Variants in KSR2 observed in about 807,000 individuals in gnomAD.
KSR2 encodes kinase suppressor of ras 2.
In KSR2, 25 loss-of-function variants were observed where a neutral mutation model predicts 107.8. The ratio of observed to expected loss-of-function variants is 0.23; its 90% CI spans 0.17 to 0.32. The LOEUF is 0.32. KSR2 is among the 10% of genes least tolerant of loss of function. The pLI, the probability that KSR2 is intolerant of heterozygous loss-of-function variation, is 1.00. For synonymous variants in KSR2, 480 were observed against 507.0 expected (o/e 0.95, Z 0.71); for missense variants, 887 against 1,268.9 (o/e 0.70, Z 4.57).
chr12:117,777,635 G>A lies in KSR2; in HGVS notation c.473-16111C>T, dbSNP rs146713198. Among the ~76,000 whole-genome samples, 400 of 152,306 alleles carry A rather than the reference G, an allele frequency of 2.6e-3. 1 individual carries two copies. Among genetic ancestry groups the A allele is most frequent in the East Asian group, 0.019 (99 of 5,186 alleles). ...TAATGAGGATCGACTGTTGTTATCC[G>A]TTTATCATCCATCTTTCCCACTGGA... On this transcript the variant is annotated intron_variant, in intron 3 of 19. Coordinates refer to ENST00000339824, the MANE Select transcript of KSR2 (RefSeq NM_173598.6).
intron 5 of KSR2, among the ~76,000 whole-genome samples, chr12:117,594,073 T>G (rs2136275356): frequency 6.6e-6 from 1 of 152,348 alleles, no homozygotes; most frequent in African/African-American, 2.4e-5. Context: ...TTATGGATCT[T>G]AAATCAGAGC....
intron 10 of KSR2, among the ~76,000 whole-genome samples, chr12:117,537,576 G>A (rs1876141007): frequency 6.6e-6 from 1 of 152,222 alleles, no homozygotes. Context: ...GAGGCCCAGA[G>A]AGGCGAGTTA....
At chr12:117,537,684 C>T (rs1176002124) in intron 10 of KSR2, among the ~76,000 whole-genome samples, 1 of 152,332 alleles carries the variant, frequency 6.6e-6, no homozygotes, top group East Asian at 1.9e-4. Context: ...TGCTGAAGTG[C>T]TTTTACCCAA....
chr12:117,536,058 C>T (rs551279417), intron 10 of KSR2, among the ~76,000 whole-genome samples: 9 of 152,278 alleles, frequency 5.9e-5, no homozygotes, highest in East Asian at 3.9e-4. Flanking sequence ...AGGCTGCACA[C>T]GCCATTCTTG....
chr12:117,531,689 T>C lies in KSR2; in HGVS notation c.1706A>G (p.Tyr569Cys). The change falls in exon 11 of 20, where the codon TAC (tyrosine) becomes TGC (cysteine). Residue 569 changes from tyrosine to cysteine, a missense_variant. Physicochemically the swap from Tyr to Cys is radical, Grantham distance 194. Around this residue, in one of 8 missense-constraint regions of KSR2, gnomAD observed 308 missense variants for 506.2 expected, o/e 0.61. Transcript: ENST00000339824. ...FNLPASHYYK[Y>C]KQQFIFPDVV... ...ACCTGGGAAGATGAACTGCTGCTTG[T>C]ATTTGTAGTAGTGGGATGCTTGCAA... 1 of 1,602,268 alleles carries C rather than the reference T, an allele frequency of 6.2e-7. No homozygotes were observed. The highest frequency in any genetic ancestry group is 2.3e-5 in the East Asian group (1 of 43,842).
chr12:117,682,870 G>A (rs528917746), intron 4 of KSR2, among the ~76,000 whole-genome samples: 4 of 152,296 alleles, frequency 2.6e-5, no homozygotes, highest in South Asian at 4.1e-4. Context: ...AGAGGATGGA[G>A]GATTGGAGCA....
chr12:117,882,427 G>C (rs868384748), intron 1 of KSR2, among the ~76,000 whole-genome samples: 9 of 152,204 alleles, frequency 5.9e-5, no homozygotes, highest in Non-Finnish European at 1.3e-4. Flanking sequence ...ATGTTGAACT[G>C]CATGAACCTT....
At chr12:117,742,274 A>G (rs575747035) in intron 4 of KSR2, among the ~76,000 whole-genome samples, 24 of 152,366 alleles carry the variant, frequency 1.6e-4, no homozygotes, top group African/African-American at 5.5e-4. Context: ...TTCTTTCACT[A>G]TCAAGGGTGT....
chr12:117,501,284 C>A (rs971007770), intron 14 of KSR2, among the ~76,000 whole-genome samples: 16 of 152,310 alleles, frequency 1.1e-4, no homozygotes, highest in Admixed American at 4.6e-4. Context: ...TGTAACAAAG[C>A]CCATATGGCA....
intron 4 of KSR2, among the ~76,000 whole-genome samples, chr12:117,735,147 A>G (rs1887892599): frequency 6.6e-6 from 1 of 152,222 alleles, no homozygotes; most frequent in Admixed American, 6.5e-5. Context: ...CCCAGGGGCC[A>G]AAGCACAGTG....
At chr12:117,794,724 T>C (rs1489582626) in intron 3 of KSR2, among the ~76,000 whole-genome samples, 4 of 151,328 alleles carry the variant, frequency 2.6e-5, no homozygotes, top group African/African-American at 9.7e-5. Flanking sequence ...TACACACCAA[T>C]ATGCACACAC....
At chr12:117,594,395 C>T (rs11068561) in intron 5 of KSR2, among the ~76,000 whole-genome samples, 5,052 of 152,216 alleles carry the variant, frequency 0.033, 216 homozygotes, top group South Asian at 0.14. Flanking sequence ...AAGTGCCATC[C>T]GAAGAGATGT....
At chr12:117,711,841 C>T (rs1886794880) in intron 4 of KSR2, among the ~76,000 whole-genome samples, 1 of 152,150 alleles carries the variant, frequency 6.6e-6, no homozygotes, top group South Asian at 2.1e-4. Flanking sequence ...GAAAGAAGCC[C>T]CAGGGACCCC....
intron 7 of KSR2, among the ~76,000 whole-genome samples, chr12:117,566,161 C>G (rs902742010): frequency 6.6e-6 from 1 of 152,068 alleles, no homozygotes; most frequent in African/African-American, 2.4e-5. Context: ...TGTCTATTGT[C>G]CCCAGGCTGA....
At chr12:117,684,265 A>C (rs533810793) in intron 4 of KSR2, among the ~76,000 whole-genome samples, 2 of 152,220 alleles carry the variant, frequency 1.3e-5, no homozygotes, top group South Asian at 4.2e-4. Context: ...TGATGACTTG[A>C]TGAGTATGGG....
chr12:117,493,586 G>C (rs1447876018), intron 14 of KSR2, among the ~76,000 whole-genome samples: 1 of 152,156 alleles, frequency 6.6e-6, no homozygotes, highest in Non-Finnish European at 1.5e-5. Context: ...AAGCACTGTG[G>C]ACTCCACCTT....
rs925629589 is a variant in KSR2 at position 117,705,485 on chromosome 12, C to G, written c.987-37827G>C. ...CACAGTGGCAGGTGCACTGATTGGG[C>G]CCCCAAGGGACACCTAGCAGAGGTC... On this transcript the variant is annotated intron_variant, in intron 4 of 19. Transcript: ENST00000339824. 1.7e-3 allele frequency among the ~76,000 whole-genome samples: 258 copies of G among 152,304 alleles called. 1 individual carries two copies. Among genetic ancestry groups the G allele is most frequent in the Non-Finnish European group, 2.7e-3 (183 of 68,036 alleles).
At chr12:117,871,969 A>C (rs1429217658) in intron 1 of KSR2, among the ~76,000 whole-genome samples, 1 of 152,182 alleles carries the variant, frequency 6.6e-6, no homozygotes, top group East Asian at 1.9e-4. Context: ...TTTTTCTATA[A>C]GCCTGAATTA....
chr12:117,777,107 T>TATATATAC (rs58787858), intron 3 of KSR2, among the ~76,000 whole-genome samples: 43 of 66,150 alleles, frequency 6.5e-4, no homozygotes, highest in African/African-American at 2.4e-3. Context: ...TATATATATA[T>TATATATAC]ACACACACAC....
Sources: gnomAD v4.1 joint callset for allele counts (sites outside exome capture counted in the v4.1 genomes callset) on GRCh38, gnomAD v4.1.1 for gene constraint, gnomAD v4.1.1 regional missense constraint, MANE v1.5 for transcripts, NCBI Gene and HGNC (gene_info 2026-07-23, HGNC 2026-07-21) for gene names.